Variants in CR1 observed in about 807,000 individuals in gnomAD.
CR1 encodes the protein complement receptor type 1.
A neutral mutation model predicts 187.3 loss-of-function variants in CR1; 116 were observed. That is an observed-to-expected ratio of 0.62 (90% CI 0.53 to 0.72). The LOEUF is 0.72. CR1 is among the 30% of genes least tolerant of loss of function. The pLI is 0.00. For missense variants in CR1, 1,731 were observed against 2,110.7 expected (o/e 0.82, Z 3.52); for synonymous variants, 576 against 747.1 (o/e 0.77, Z 3.73).
At chr1:207,616,516 T>C (rs1416630554) in intron 40 of CR1, 59 bp from the exon 41 acceptor site, 100 of 1,559,118 alleles carry the variant, frequency 6.4e-5, no homozygotes, top group Admixed American at 1.0e-4. Flanking sequence ...AGGTCACTAT[T>C]GTTTCAGTCA....
rs762762588 is a variant in CR1, at chr1:207,609,448, A to C, written c.6055A>C (p.Thr2019Pro). 48 of 1,613,926 alleles carry C rather than the reference A, an allele frequency of 3.0e-5. 1 individual carries two copies. Among genetic ancestry groups the C allele is most frequent in the Admixed American group, 1.8e-4 (11 of 60,002 alleles). ...ELVGERSIYC[T>P]SKDDQVGVWS... is the part of the protein sequence containing the mutation. ...TGTGGGAGAACGGTCAATATATTGC[A>C]CCAGCAAAGATGATCAAGTTGGTGT... The change falls in exon 37 of 47, where the codon ACC (threonine) becomes CCC (proline). Residue 2019 changes from threonine to proline, a missense_variant. Thr to Pro is a conservative substitution (Grantham distance 38). Coordinates refer to ENST00000367049, the MANE Select transcript of CR1 (RefSeq NM_000651.6).
chr1:207,639,668 A>G lies in CR1; in HGVS notation c.*259A>G. The G allele has an allele frequency of 2.7e-6, 1 of 375,074 alleles. No homozygotes were observed. 23.2% of individuals were successfully genotyped at this position (375,074 alleles called of 1,614,324 possible). On this transcript the variant is annotated 3_prime_UTR_variant, in exon 47 of 47. Transcript: ENST00000367049. ...GTATCTAGTCAGGGGAAAAGACTGC[A>G]TTTAGGAGATAGAAAATAGTTTGGA...
chr1:207,588,442 A>G (rs2102354453), intron 34 of CR1, among the ~76,000 whole-genome samples: 1 of 152,322 alleles, frequency 6.6e-6, no homozygotes, highest in South Asian at 2.1e-4. Context: ...AAGTGCTAGG[A>G]TTACAGGCGA....
chr1:207,616,725 T>C lies in CR1; in HGVS notation c.6812T>C (p.Ile2271Thr), dbSNP rs774574628. ...MTFNLIGESS[I>T]RCTSDPQGNG... Reference sequence around the variant, plus strand: ...TTCAACCTCATTGGGGAGAGCTCCATCCGCTGCACAAGTGACCCTCAAGGG... The same window carrying C: ...TTCAACCTCATTGGGGAGAGCTCCACCCGCTGCACAAGTGACCCTCAAGGG... The change falls in exon 41 of 47, where the codon ATC (isoleucine) becomes ACC (threonine). Residue 2271 changes from isoleucine (I) to threonine (T), a missense_variant. Physicochemically the swap from Ile to Thr is moderately conservative, Grantham distance 89. Transcript: ENST00000367049. 5 of 1,613,770 alleles carry C rather than the reference T, an allele frequency of 3.1e-6. No individual in the cohort carries two copies. In the East Asian group the frequency reaches 1.1e-4, roughly 36 times the overall value.
rs145605687 is a variant in CR1, at chr1:207,575,938, T to G, written c.4537+258T>G. 3.2e-4 allele frequency among the ~76,000 whole-genome samples: 49 copies of G among 152,332 alleles called. 2 individuals carry two copies. The East Asian group carries it at 8.1e-3, about 25-fold the overall frequency. Reference sequence around the variant, plus strand: ...TTAACCAGCCCCCAATGTCCTCTTCTGTTGGTTGAGCACCTCGCAGTTTGA... The same window carrying G: ...TTAACCAGCCCCCAATGTCCTCTTCGGTTGGTTGAGCACCTCGCAGTTTGA... On this transcript the variant is annotated intron_variant, in intron 28 of 46. Transcript: ENST00000367049.
intron 46 of CR1, among the ~76,000 whole-genome samples, chr1:207,634,179 C>G (rs928187508): frequency 1.4e-4 from 21 of 152,132 alleles, no homozygotes; most frequent in African/African-American, 4.8e-4. Context: ...GATGGCTTGG[C>G]TTGGGTTCAG....
In CR1 at chr1:207,577,261, C is replaced by CA. The variant is rs780785123; in HGVS notation, c.4538-541dup. The stretch of plus-strand genomic sequence containing the variant: ...GTGAGGATCTGTTAAAACAAACAAA[C>CA]AAACAAAAAAAAAACACATGGACTC... On this transcript the variant is annotated intron_variant, in intron 28 of 46. Coordinates refer to ENST00000367049, the MANE Select transcript of CR1 (RefSeq NM_000651.6). 2.8e-3 allele frequency among the ~76,000 whole-genome samples: 395 copies of CA among 139,152 alleles called. 2 individuals carry two copies. Among genetic ancestry groups the CA allele is most frequent in the South Asian group, 9.4e-3 (41 of 4,364 alleles). 91.3% of individuals were successfully genotyped at this position (139,152 alleles called of 152,430 possible).
At chr1:207,497,333 A>G (rs1483253739) in intron 1 of CR1, among the ~76,000 whole-genome samples, 1 of 152,126 alleles carries the variant, frequency 6.6e-6, no homozygotes, top group East Asian at 1.9e-4. Context: ...CCCTTCTATT[A>G]TTATTTTTCG....
chr1:207,523,530 G>C, intron 4 of CR1, 81 bp from the exon 5 acceptor site: 2 of 1,578,996 alleles, frequency 1.3e-6, no homozygotes, highest in African/African-American at 2.7e-5. Flanking sequence ...TGTAAAAATA[G>C]CTATAGTTTA....
chr1:207,526,881 C>A lies in CR1; in HGVS notation c.1015C>A (p.Arg339Ser), dbSNP rs377225165. The change falls in exon 6 of 47, where the codon CGC (arginine) becomes AGC (serine). Residue 339 changes from arginine to serine, a missense_variant. Arg to Ser is a moderately radical substitution (Grantham distance 110, BLOSUM62 -1). This residue lies in a region of CR1 where 131 missense variants were observed against 196.8 expected (regional missense o/e 0.67). Coordinates refer to ENST00000367049, the MANE Select transcript of CR1 (RefSeq NM_000651.6). ...GYDLRGAASMRCTPQGDWSPA... is the reference protein window; with the variant it reads ...GYDLRGAASMSCTPQGDWSPA... ...CGACCTCAGAGGGGCTGCGTCTATG[C>A]GCTGCACACCCCAGGGAGACTGGAG... 516 of 1,493,638 alleles carry A rather than the reference C, an allele frequency of 3.5e-4. 101 individuals are homozygous for A. The African/African-American group carries it at 8.2e-3, about 24-fold the overall frequency. The allele number at this position is 1,493,638 out of a possible 1,614,324, so 92.5% of individuals were successfully genotyped here.
rs1317120548 is a variant in CR1, at chr1:207,615,870, G to T, written c.6662-705G>T. Among the ~76,000 whole-genome samples, 4 of 152,270 alleles carry T rather than the reference G, an allele frequency of 2.6e-5. No homozygotes were observed. The East Asian group carries it at 7.7e-4, about 29-fold the overall frequency. On this transcript the variant is annotated intron_variant, in intron 40 of 46. Coordinates refer to ENST00000367049, the MANE Select transcript of CR1 (RefSeq NM_000651.6). The stretch of plus-strand genomic sequence containing the variant: ...AGTCAATCATTGTTTGATGTACTAG[G>T]TCTTTTATATACACATAATTCTGAT...
chr1:207,581,187 CATGGACACGT>C (rs1558245380), intron 31 of CR1, among the ~76,000 whole-genome samples: 35 of 136,328 alleles, frequency 2.6e-4, no homozygotes, highest in African/African-American at 1.2e-3. Flanking sequence ...TATGTGTATA[CATGGACACGT>C]ATATGTAGAC....
chr1:207,630,576 G>C lies in CR1; in HGVS notation c.7412G>C (p.Ser2471Thr), dbSNP rs557430932. The change falls in exon 46 of 47, where the codon AGC becomes ACC. Residue 2471 changes from serine to threonine, a missense_variant. Physicochemically the swap from Ser to Thr is moderately conservative, Grantham distance 58. Transcript: ENST00000367049. ...VAIHLHSQGG[S>T]SVHPRTLQTN... Reference sequence around the variant, plus strand: ...ATCCATTTACATTCTCAAGGAGGCAGCAGCGTTCATCCCCGAACTCTGCAA... The same window carrying C: ...ATCCATTTACATTCTCAAGGAGGCACCAGCGTTCATCCCCGAACTCTGCAA... 2 of 1,611,396 alleles carry C rather than the reference G, an allele frequency of 1.2e-6. No homozygotes were observed. Among genetic ancestry groups the C allele is most frequent in the Non-Finnish European group, 1.7e-6 (2 of 1,178,842 alleles).
At chr1:207,592,652 A>G (rs1254986447) in intron 35 of CR1, among the ~76,000 whole-genome samples, 1 of 152,212 alleles carries the variant, frequency 6.6e-6, no homozygotes, top group Non-Finnish European at 1.5e-5. Context: ...AGGAAGTCAA[A>G]TTGTCTCTGT....
chr1:207,614,598 T>C (rs1662041434), intron 40 of CR1, 109 bp downstream of exon 40: 3 of 756,494 alleles, frequency 4.0e-6, no homozygotes, highest in East Asian at 3.3e-5. Flanking sequence ...AACTAAATTA[T>C]GGATAAAAAT....
At chr1:207,632,446 C>T (rs1270655818) in intron 46 of CR1, among the ~76,000 whole-genome samples, 1 of 152,104 alleles carries the variant, frequency 6.6e-6, no homozygotes, top group Non-Finnish European at 1.5e-5. Context: ...TGAACACAAA[C>T]ACATTTATAA....
intron 31 of CR1, among the ~76,000 whole-genome samples, chr1:207,581,003 T>TAG (rs1558245161): frequency 1.3e-5 from 2 of 152,058 alleles, no homozygotes; most frequent in African/African-American, 2.4e-5. Context: ...TTCTCACTTA[T>TAG]AGAGGCTCAG....
At position 207,609,558 on chromosome 1, in the gene CR1, CAG is replaced by C. The variant is rs1441335666; in HGVS notation, c.6166_6167del (p.Arg2056GlufsTer7). Reference protein sequence around the residue: ...VENAIRVPGNRSFFTLTEIIR... With the variant: ...VENAIRVPGNXSFFTLTEIIR... Reference sequence around the variant, plus strand: ...AAAATGCAATTAGAGTACCAGGAAACAGGAGTTTCTTTACCCTCACTGAGATC... The same window carrying C: ...AAAATGCAATTAGAGTACCAGGAAACGAGTTTCTTTACCCTCACTGAGATC... On this transcript the variant is annotated frameshift_variant, in exon 37 of 47. Coordinates refer to ENST00000367049, the MANE Select transcript of CR1 (RefSeq NM_000651.6). LOFTEE classifies it high-confidence loss of function. The C allele has an allele frequency of 6.2e-7, 1 of 1,613,874 alleles. No homozygotes were observed. The highest frequency in any genetic ancestry group is 8.5e-7 in the Non-Finnish European group (1 of 1,179,850).
At chr1:207,505,809 C>A in intron 1 of CR1, 95 bp from the exon 2 acceptor site, 5 of 1,400,036 alleles carry the variant, frequency 3.6e-6, no homozygotes, top group Non-Finnish European at 4.9e-6. Flanking sequence ...GCACTCCAGC[C>A]TGGGTGATGG....
Sources: gnomAD v4.1 joint callset for allele counts (sites outside exome capture counted in the v4.1 genomes callset) on GRCh38, gnomAD v4.1.1 for gene constraint, gnomAD v4.1.1 regional missense constraint, MANE v1.5 for transcripts, NCBI Gene and HGNC (gene_info 2026-07-23, HGNC 2026-07-21) for gene names.